The following SCOC variants were observed in gnomAD, a reference collection of about 807,000 sequenced individuals.
SCOC encodes the protein short coiled coil protein.
In SCOC, 7 loss-of-function variants were observed where a neutral mutation model predicts 9.9. The observed-to-expected ratio is 0.71, with a 90% CI of 0.40 to 1.33. SCOC has a LOEUF of 1.33. Ranked by LOEUF, SCOC falls within the 40% of genes most tolerant of loss-of-function variation. The pLI is 0.01. For synonymous variants in SCOC, 19 were observed against 28.2 expected, an observed-to-expected ratio of 0.67 and a Z score of 1.03; for missense variants, 66 against 89.7, an observed-to-expected ratio of 0.74 and a Z score of 1.07.
rs184030948 is a variant in SCOC, at chr4:140,319,282, G to C, written c.-18-24339G>C. ...AATTTTATATTTTTAGTAGAGATGGGGTTTCTCCATGTTGGTCAGGCTGGT... is the reference window on the plus strand; with the variant it reads ...AATTTTATATTTTTAGTAGAGATGGCGTTTCTCCATGTTGGTCAGGCTGGT... On this transcript the variant is annotated intron_variant, in intron 1 of 4. Transcript: ENST00000394205. Among the ~76,000 whole-genome samples, 15 of 152,078 alleles carry C rather than the reference G, an allele frequency of 9.9e-5. No homozygotes were observed. The East Asian group carries it at 2.9e-3, about 30-fold the overall frequency.
chr4:140,288,846 C>T (rs1731381627), intron 1 of SCOC, among the ~76,000 whole-genome samples: 1 of 151,900 alleles, frequency 6.6e-6, no homozygotes. Flanking sequence ...TCACAAATGT[C>T]TATATACCCC....
chr4:140,385,515 C>G lies in SCOC; in HGVS notation c.*4411C>G, dbSNP rs1005928911. 10 of 152,218 alleles carry G rather than the reference C, an allele frequency of 6.6e-5. No individual in the cohort carries two copies. The highest frequency in any genetic ancestry group is 2.2e-4 in the African/African-American group (9 of 41,516). The allele number at this position is 152,218 out of a possible 1,614,324, so 9.4% of individuals were successfully genotyped here. On this transcript the variant is annotated 3_prime_UTR_variant, in exon 4 of 4. Transcript: ENST00000608372. Reference sequence around the variant, plus strand: ...AACAAAACCTTTTGTAGAAGAGTAACCAAAATCATGTATGCATTTAGTTCC... The same window carrying G: ...AACAAAACCTTTTGTAGAAGAGTAAGCAAAATCATGTATGCATTTAGTTCC...
At chr4:140,353,623 C>T (rs1727079107) in intron 2 of SCOC, among the ~76,000 whole-genome samples, 1 of 152,104 alleles carries the variant, frequency 6.6e-6, no homozygotes, top group South Asian at 2.1e-4. Flanking sequence ...AGGTCTCGAT[C>T]TCTTGACCTC....
rs555724838 is a variant in SCOC, at chr4:140,263,325, A to G, written c.-19+5915A>G. 3.3e-5 allele frequency among the ~76,000 whole-genome samples: 5 copies of G among 152,214 alleles called. No homozygotes were observed. The East Asian group carries it at 9.7e-4, about 29-fold the overall frequency. On this transcript the variant is annotated intron_variant, in intron 1 of 4. Transcript: ENST00000394205. ...ATTTAGGACCATCAGTGTTACAGAGACTCCAACCAACTTGCACAGGTAAGC... is the reference window on the plus strand; with the variant it reads ...ATTTAGGACCATCAGTGTTACAGAGGCTCCAACCAACTTGCACAGGTAAGC...
chr4:140,311,927 A>G (rs1248449346), intron 1 of SCOC, among the ~76,000 whole-genome samples: 1 of 152,200 alleles, frequency 6.6e-6, no homozygotes, highest in Non-Finnish European at 1.5e-5. Flanking sequence ...TTCCTTGAGG[A>G]TGCATCTTTA....
intron 1 of SCOC, among the ~76,000 whole-genome samples, chr4:140,377,223 A>G (rs987324198): frequency 2.6e-5 from 4 of 152,186 alleles, no homozygotes; most frequent in Non-Finnish European, 4.4e-5. Context: ...ATGTCAAATC[A>G]AGTTTTCACT....
chr4:140,278,900 G>A (rs1348764843), intron 1 of SCOC, among the ~76,000 whole-genome samples: 3 of 138,774 alleles, frequency 2.2e-5, no homozygotes, highest in Non-Finnish European at 4.5e-5. Flanking sequence ...GATACAAACA[G>A]AACCAATCAT....
At chr4:140,368,314 T>G (rs1171692742) in intron 2 of SCOC, among the ~76,000 whole-genome samples, 1 of 152,222 alleles carries the variant, frequency 6.6e-6, no homozygotes, top group Non-Finnish European at 1.5e-5. Context: ...AGTTTTGAAC[T>G]TAGCTTTATT....
At chr4:140,270,140 TGC>T (rs1198994539) in intron 1 of SCOC, among the ~76,000 whole-genome samples, 9 of 152,186 alleles carry the variant, frequency 5.9e-5, no homozygotes, top group African/African-American at 2.2e-4. Context: ...GAGTGCCTGC[TGC>T]AAGCCCCTTT....
intron 1 of SCOC, among the ~76,000 whole-genome samples, chr4:140,337,441 A>G (rs1279156444): frequency 6.6e-6 from 1 of 152,200 alleles, no homozygotes; most frequent in Non-Finnish European, 1.5e-5. Flanking sequence ...ACAAAGCTAC[A>G]GTAATCAAAA....
intron 1 of SCOC, among the ~76,000 whole-genome samples, chr4:140,274,258 G>C (rs1233290203): frequency 4.6e-5 from 7 of 152,246 alleles, no homozygotes; most frequent in African/African-American, 1.4e-4. Flanking sequence ...TAGATTATGA[G>C]AAAGGAATTT....
chr4:140,259,351 C>G (rs1387721202), intron 1 of SCOC, among the ~76,000 whole-genome samples: 1 of 152,198 alleles, frequency 6.6e-6, no homozygotes, highest in Non-Finnish European at 1.5e-5. Flanking sequence ...CCTAGTTAGA[C>G]TCTTTTTATC....
chr4:140,301,842 GT>G (rs1201333036), intron 1 of SCOC, among the ~76,000 whole-genome samples: 7 of 152,084 alleles, frequency 4.6e-5, no homozygotes, highest in Non-Finnish European at 8.8e-5. Flanking sequence ...TTGTTTGTTT[GT>G]TTTTTGGAAA....
chr4:140,385,478 T>C lies in SCOC; in HGVS notation c.*4374T>C, dbSNP rs1728667100. 6.6e-6 allele frequency: 1 copy of C among 152,174 alleles called. No individual in the cohort carries two copies. Among genetic ancestry groups the C allele is most frequent in the East Asian group, 1.9e-4 (1 of 5,196 alleles). 9.4% of individuals were successfully genotyped at this position (152,174 alleles called of 1,614,324 possible). A position where few individuals can be genotyped will look rare whatever the true frequency, so the allele number is the denominator to read the frequency against. ...TTAACTTTTCAGAGATTTTTGGTCA[T>C]GGAATTGTAGCAACAAAACCTTTTG... On this transcript the variant is annotated 3_prime_UTR_variant, in exon 4 of 4. Coordinates refer to ENST00000608372, the MANE Select transcript of SCOC (RefSeq NM_001153484.2).
chr4:140,381,309 G>A lies in SCOC; in HGVS notation c.*205G>A. 1 of 419,504 alleles carries A rather than the reference G, an allele frequency of 2.4e-6. No individual in the cohort carries two copies. Among genetic ancestry groups the A allele is most frequent in the South Asian group, 4.2e-5 (1 of 23,662 alleles). The allele number at this position is 419,504 out of a possible 1,614,324, so 26.0% of individuals were successfully genotyped here. A position where few individuals can be genotyped will look rare whatever the true frequency, so the allele number is the denominator to read the frequency against. ...GTCTATGAAAACGTGCAAATGTATT[G>A]TAGAGACTTTATGATTAGAATTGCA... On this transcript the variant is annotated 3_prime_UTR_variant, in exon 4 of 4. Transcript: ENST00000608372.
intron 2 of SCOC, among the ~76,000 whole-genome samples, chr4:140,353,926 G>A (rs1727092652): frequency 6.9e-6 from 1 of 145,864 alleles, no homozygotes; most frequent in Non-Finnish European, 1.5e-5. Context: ...CCATACACAT[G>A]TTTCATTGTC....
intron 1 of SCOC, among the ~76,000 whole-genome samples, chr4:140,334,553 G>A (rs982136600): frequency 3.3e-5 from 5 of 152,038 alleles, no homozygotes; most frequent in South Asian, 2.1e-4. Flanking sequence ...CACTAATAGC[G>A]AAACTGTTTT....
At chr4:140,332,465 G>A (rs767412149) in intron 1 of SCOC, among the ~76,000 whole-genome samples, 3 of 139,084 alleles carry the variant, frequency 2.2e-5, no homozygotes, top group Non-Finnish European at 4.6e-5. Flanking sequence ...TGCAACCTCT[G>A]CCTCCTGGGT....
At chr4:140,317,438 T>C (rs1732354579) in intron 1 of SCOC, among the ~76,000 whole-genome samples, 1 of 152,144 alleles carries the variant, frequency 6.6e-6, no homozygotes, top group Non-Finnish European at 1.5e-5. Flanking sequence ...TCCTGTTCTG[T>C]TCCGTTCTGA....
Sources: gnomAD v4.1 joint callset for allele counts (sites outside exome capture counted in the v4.1 genomes callset) on GRCh38, gnomAD v4.1.1 for gene constraint, MANE v1.5 for transcripts, NCBI Gene and HGNC (gene_info 2026-07-23, HGNC 2026-07-21) for gene names.